Variants in CTNNA3 observed in about 807,000 individuals in gnomAD.
CTNNA3 encodes the protein catenin alpha 3, also known as catenin alpha-3.
Under a neutral mutation model 95.7 loss-of-function variants are expected in CTNNA3, and 76 were observed. That is an observed-to-expected ratio of 0.79 (90% CI 0.66 to 0.96). The LOEUF (loss-of-function observed/expected upper bound fraction) is 0.96. Among genes scored for constraint, CTNNA3 ranks in the 40% least tolerant of loss-of-function variants. CTNNA3 has a pLI of 0.00. For missense variants in CTNNA3, 1,191 were observed against 1,089.8 expected (o/e 1.09, Z -1.31); for synonymous variants, 431 against 374.4 (o/e 1.15, Z -1.74).
At chr10:66,731,781 C>T (rs1848968413) in intron 9 of CTNNA3, among the ~76,000 whole-genome samples, 1 of 152,092 alleles carries the variant, frequency 6.6e-6, no homozygotes, top group South Asian at 2.1e-4. Flanking sequence ...ACTTTGCTAC[C>T]AACAATGGTT....
At chr10:66,863,372 G>A (rs1305186068) in intron 7 of CTNNA3, among the ~76,000 whole-genome samples, 2 of 152,050 alleles carry the variant, frequency 1.3e-5, no homozygotes, top group African/African-American at 4.8e-5. Context: ...ACTGCAGTGG[G>A]ATGGGACAGG....
chr10:67,289,749 A>T (rs186793100), intron 5 of CTNNA3, among the ~76,000 whole-genome samples: 2 of 135,632 alleles, frequency 1.5e-5, no homozygotes, highest in Admixed American at 7.1e-5. Context: ...CAACAAAGGA[A>T]GGATGGATGA....
At chr10:67,067,795 G>A (rs1856183460) in intron 7 of CTNNA3, among the ~76,000 whole-genome samples, 1 of 152,168 alleles carries the variant, frequency 6.6e-6, no homozygotes, top group African/African-American at 2.4e-5. Flanking sequence ...GGCACACTAT[G>A]TGCTGGATAC....
rs5785804 is a variant in CTNNA3, at chr10:66,919,134, T to TAA, written c.1048-143612_1048-143611dup. Among the ~76,000 whole-genome samples the TAA allele has an allele frequency of 6.4e-3, 714 of 111,902 alleles. 11 individuals carry two copies. The highest frequency in any genetic ancestry group is 0.02 in the African/African-American group (571 of 28,854). The allele number at this position is 111,902 out of a possible 152,430, so 73.4% of individuals were successfully genotyped here. A position where few individuals can be genotyped will look rare whatever the true frequency, so the allele number is the denominator to read the frequency against. On this transcript the variant is annotated intron_variant, in intron 7 of 17. Transcript: ENST00000433211. ...TGGGTGACAGAGCGAGACTCTGTCTTAAAAAAAAAAAAAAAAAAAAAGACA... is the reference window on the plus strand; with the variant it reads ...TGGGTGACAGAGCGAGACTCTGTCTTAAAAAAAAAAAAAAAAAAAAAAAGACA...
At chr10:66,943,583 C>G (rs1468439645) in intron 7 of CTNNA3, among the ~76,000 whole-genome samples, 1 of 151,266 alleles carries the variant, frequency 6.6e-6, no homozygotes, top group African/African-American at 2.4e-5. Flanking sequence ...TTAAGAAACT[C>G]TCACGGCGAG....
intron 11 of CTNNA3, among the ~76,000 whole-genome samples, chr10:66,436,173 G>A (rs56239371): frequency 0.21 from 31,857 of 151,886 alleles, 3,614 homozygotes; most frequent in South Asian, 0.3. Context: ...TGGAGAGTTT[G>A]GTAGATGTCT....
chr10:67,216,565 T>G (rs533191312), intron 6 of CTNNA3, among the ~76,000 whole-genome samples: 66 of 152,212 alleles, frequency 4.3e-4, no homozygotes, highest in Admixed American at 1.8e-3. Flanking sequence ...TAGCACTTAC[T>G]ACATTTAGGG....
At chr10:67,187,223 T>G (rs1459129399) in intron 6 of CTNNA3, among the ~76,000 whole-genome samples, 1 of 152,172 alleles carries the variant, frequency 6.6e-6, no homozygotes, top group Admixed American at 6.6e-5. Flanking sequence ...GCTGCTTTTG[T>G]TATCTTATTT....
At position 65,916,924 on chromosome 10, in the gene CTNNA3, A is replaced by G. The variant is rs551331826; in HGVS notation, c.*3406T>C. 6.6e-6 allele frequency: 1 copy of G among 152,282 alleles called. No individual in the cohort carries two copies. Among genetic ancestry groups the G allele is most frequent in the East Asian group, 1.9e-4 (1 of 5,180 alleles). The allele number at this position is 152,282 out of a possible 1,614,324, so 9.4% of individuals were successfully genotyped here. ...TAGGCTTTTCAGCCACTCATTATTT[A>G]ATTTGAGGAGCATTAATTATTTGGT... On this transcript the variant is annotated 3_prime_UTR_variant, in exon 18 of 18. Transcript: ENST00000433211.
chr10:67,576,944 A>C (rs1486370403), intron 3 of CTNNA3, among the ~76,000 whole-genome samples: 1 of 134,908 alleles, frequency 7.4e-6, no homozygotes, highest in Non-Finnish European at 1.5e-5. Flanking sequence ...TTCTTAATCC[A>C]GTCTATCATT....
At chr10:67,715,395 G>C (rs183324726) in intron 1 of CTNNA3, among the ~76,000 whole-genome samples, 111 of 152,264 alleles carry the variant, frequency 7.3e-4, no homozygotes, top group African/African-American at 2.4e-3. Flanking sequence ...ATAAGACTAG[G>C]AGAACTGACC....
chr10:66,536,056 T>A (rs1464165360), intron 10 of CTNNA3, among the ~76,000 whole-genome samples: 1 of 151,800 alleles, frequency 6.6e-6, no homozygotes, highest in Non-Finnish European at 1.5e-5. Flanking sequence ...AAAAATAGAT[T>A]TTTAGAGTCA....
chr10:66,306,599 A>C (rs1247860300), intron 12 of CTNNA3, among the ~76,000 whole-genome samples: 1 of 152,174 alleles, frequency 6.6e-6, no homozygotes, highest in East Asian at 1.9e-4. Context: ...TAAAGGGCAA[A>C]ACTGTATGAT....
intron 7 of CTNNA3, among the ~76,000 whole-genome samples, chr10:67,121,627 G>A (rs890070509): frequency 1.3e-5 from 2 of 151,950 alleles, no homozygotes; most frequent in Non-Finnish European, 2.9e-5. Flanking sequence ...CGCAGTGCTG[G>A]CCACAGTACA....
At chr10:67,621,232 G>T (rs1255268477) in intron 2 of CTNNA3, among the ~76,000 whole-genome samples, 3 of 152,058 alleles carry the variant, frequency 2.0e-5, no homozygotes, top group Non-Finnish European at 4.4e-5. Flanking sequence ...TGTGCAGCCA[G>T]GGTTGAAAAC....
At chr10:67,642,916 T>C (rs1839584951) in intron 2 of CTNNA3, among the ~76,000 whole-genome samples, 1 of 151,222 alleles carries the variant, frequency 6.6e-6, no homozygotes, top group Non-Finnish European at 1.5e-5. Flanking sequence ...AGCGTGGCGA[T>C]TTCTCAAAGA....
At chr10:67,517,159 G>A (rs1839842353) in intron 5 of CTNNA3, among the ~76,000 whole-genome samples, 1 of 152,140 alleles carries the variant, frequency 6.6e-6, no homozygotes, top group East Asian at 1.9e-4. Flanking sequence ...TATTTCATAT[G>A]TTTTTAGCAA....
At chr10:66,671,637 T>A (rs1055210242) in intron 9 of CTNNA3, among the ~76,000 whole-genome samples, 5 of 152,198 alleles carry the variant, frequency 3.3e-5, no homozygotes, top group African/African-American at 9.6e-5. Context: ...GACCTCCACA[T>A]GAGTGGCAAC....
At chr10:67,560,650 A>G (rs1363085218) in intron 3 of CTNNA3, among the ~76,000 whole-genome samples, 11 of 152,212 alleles carry the variant, frequency 7.2e-5, no homozygotes, top group Admixed American at 7.2e-4. Context: ...TTAACTTTAA[A>G]TGTAAATGGA....
Sources: allele counts gnomAD v4.1 joint callset (sites outside exome capture counted in the v4.1 genomes callset), GRCh38; gene constraint gnomAD v4.1.1; transcripts MANE v1.5; gene names NCBI Gene and HGNC (gene_info 2026-07-23, HGNC 2026-07-21).